The following USHBP1 variants were observed in gnomAD, a reference collection of about 807,000 sequenced individuals.
The protein encoded by USHBP1 is harmonin-binding protein USHBP1.
Under a neutral mutation model 76.2 loss-of-function variants are expected in USHBP1, and 67 were observed. That is an observed-to-expected ratio of 0.88 (90% CI 0.72 to 1.08). The LOEUF (loss-of-function observed/expected upper bound fraction) is 1.08. Among genes scored for constraint, USHBP1 ranks in the 50% least tolerant of loss-of-function variants. The pLI is 0.00. For synonymous variants in USHBP1, 322 were observed against 362.2 expected, an observed-to-expected ratio of 0.89 and a Z score of 1.26; for missense variants, 931 against 915.0, an observed-to-expected ratio of 1.02 and a Z score of -0.23.
At chr19:17,261,219 C>T (rs60266598) in intron 4 of USHBP1, among the ~76,000 whole-genome samples, 1,780 of 152,264 alleles carry the variant, frequency 0.012, 30 homozygotes, top group African/African-American at 0.041. Context: ...CCTGTTGCCC[C>T]CTGTGTTCCA....
intron 5 of USHBP1, 70 bp from the exon 6 acceptor site, chr19:17,259,802 C>A (rs1458349291): frequency 5.7e-6 from 9 of 1,581,738 alleles, no homozygotes; most frequent in Admixed American, 1.8e-5. Flanking sequence ...CATTTTGCAA[C>A]CCCAAAGCTG....
At position 17,258,195 on chromosome 19, in the gene USHBP1, G is replaced by C; in HGVS notation, c.1220+17C>G. On this transcript the variant is annotated intron_variant, in intron 8 of 12. Transcript: ENST00000252597. Reference sequence around the variant, plus strand: ...CACTCCTCAACCAGGCCAGTTCCCAGGGTTCCAGGGGGGTACCTTGGCTGT... The same window carrying C: ...CACTCCTCAACCAGGCCAGTTCCCACGGTTCCAGGGGGGTACCTTGGCTGT... 1 of 1,612,822 alleles carries C rather than the reference G, an allele frequency of 6.2e-7. No individual in the cohort carries two copies. The highest frequency in any genetic ancestry group is 8.5e-7 in the Non-Finnish European group (1 of 1,179,984).
chr19:17,260,673 G>A (rs186953831), intron 4 of USHBP1, among the ~76,000 whole-genome samples: 1 of 152,254 alleles, frequency 6.6e-6, no homozygotes, highest in African/African-American at 2.4e-5. Flanking sequence ...GGATGCTCAA[G>A]TTTCTCCCTT....
At chr19:17,256,872 C>G (rs1029268981) in intron 8 of USHBP1, 152 bp from the exon 9 acceptor site, 20 of 1,117,256 alleles carry the variant, frequency 1.8e-5, no homozygotes, top group African/African-American at 3.1e-5. Flanking sequence ...CCAACATACC[C>G]CACTAGGCAC....
chr19:17,251,169 G>GTTT (rs58204933), intron 12 of USHBP1, among the ~76,000 whole-genome samples: 2 of 26,474 alleles, frequency 7.6e-5, no homozygotes, highest in African/African-American at 9.4e-5. Flanking sequence ...CCAGCCTGTT[G>GTTT]TTTTTTTTTT....
chr19:17,257,967 C>A (rs1056499186), intron 8 of USHBP1, among the ~76,000 whole-genome samples: 37 of 152,286 alleles, frequency 2.4e-4, no homozygotes, highest in Non-Finnish European at 5.0e-4. Context: ...CAGTTTTAAC[C>A]AGTAGGCATT....
chr19:17,261,302 C>T lies in USHBP1; in HGVS notation c.642+1250G>A, dbSNP rs113183756. On this transcript the variant is annotated intron_variant, in intron 4 of 12. Transcript: ENST00000252597. Reference sequence around the variant, plus strand: ...CACTCCAGGGCCTACTCCCACCACCCTCAGTTTTCTTTCTTTTTCTTTCTT... The same window carrying T: ...CACTCCAGGGCCTACTCCCACCACCTTCAGTTTTCTTTCTTTTTCTTTCTT... Among the ~76,000 whole-genome samples the T allele has an allele frequency of 6.4e-3, 969 of 151,062 alleles. 13 individuals carry two copies. The highest frequency in any genetic ancestry group is 0.023 in the African/African-American group (928 of 41,074).
At chr19:17,260,909 G>A (rs570424478) in intron 4 of USHBP1, among the ~76,000 whole-genome samples, 91 of 152,174 alleles carry the variant, frequency 6.0e-4, no homozygotes, top group Admixed American at 1.2e-3. Context: ...ACGCTCACAC[G>A]TCAGTTCCAT....
At position 17,264,335 on chromosome 19, in the gene USHBP1, C is replaced by T; in HGVS notation, c.-36G>A. 6.3e-7 allele frequency: 1 copy of T among 1,581,982 alleles called. No individual in the cohort carries two copies. Among genetic ancestry groups the T allele is most frequent in the Non-Finnish European group, 8.6e-7 (1 of 1,165,188 alleles). ...AAGCCAGTGCCCTCTGAATGCTTCT[C>T]CTTCGTCAACCCCTAAAACCACAGC... is the stretch of plus-strand genomic sequence containing the variant. On this transcript the variant is annotated 5_prime_UTR_variant, in exon 2 of 13. Transcript: ENST00000252597.
chr19:17,251,733 A>C (rs781056349), intron 11 of USHBP1, 29 bp from the exon 12 acceptor site: 2 of 1,609,692 alleles, frequency 1.2e-6, no homozygotes, highest in Admixed American at 3.3e-5. Flanking sequence ...GAGGGGGCTC[A>C]CAGCCCCAGC....
At chr19:17,260,122 T>G in intron 4 of USHBP1, 100 bp from the exon 5 acceptor site, 1 of 1,441,174 alleles carries the variant, frequency 6.9e-7, no homozygotes, top group South Asian at 1.5e-5. Flanking sequence ...GAACCCTAGC[T>G]GGAAGGCAAG....
In USHBP1 at chr19:17,250,353, C is replaced by A. The variant is rs756401290; in HGVS notation, c.1984G>T (p.Glu662Ter). The A allele has an allele frequency of 6.8e-6, 11 of 1,613,838 alleles. No homozygotes were observed. The highest frequency in any genetic ancestry group is 9.3e-6 in the Non-Finnish European group (11 of 1,179,958). ...RKQEEQRRKL[E>*]QQMALMEAQQ... ...GCCTCCATGAGTGCCATCTGCTGCT[C>A]CAACTTCCGGCGTTGCTCTTCCTGC... The change falls in exon 13 of 13, where the codon GAG (glutamate) becomes TAG (stop). Residue 662 changes from glutamate (E) to a stop codon, truncating the protein, a stop_gained. Transcript: ENST00000252597. LOFTEE classifies it low-confidence loss of function (END_TRUNC).
intron 7 of USHBP1, 86 bp downstream of exon 7, chr19:17,259,203 T>A: frequency 6.6e-7 from 1 of 1,505,306 alleles, no homozygotes; most frequent in Non-Finnish European, 8.9e-7. Context: ...GAAGGTGCTC[T>A]CCAGTGAGGG....
chr19:17,262,821 T>A lies in USHBP1; in HGVS notation c.373A>T (p.Thr125Ser). Residue 125 changes from threonine (T) to serine (S), a missense_variant, in exon 4 of 13, where the codon ACT becomes TCT. Coordinates refer to ENST00000252597, the MANE Select transcript of USHBP1 (RefSeq NM_031941.4). ...GCCGCTGCCTCCAGGGAGCTCAGAG[T>A]GTGCTGGAGGGTCTGAAACACATCG... Reference protein sequence around the residue: ...APDVFQTLQHTLSSLEAAAAA... With the variant: ...APDVFQTLQHSLSSLEAAAAA... 2 of 1,614,048 alleles carry A rather than the reference T, an allele frequency of 1.2e-6. No homozygotes were observed. Among genetic ancestry groups the A allele is most frequent in the Non-Finnish European group, 1.7e-6 (2 of 1,179,996 alleles).
chr19:17,259,038 ACCTGTAAT>A (rs1368862007), intron 7 of USHBP1, among the ~76,000 whole-genome samples: 6 of 151,896 alleles, frequency 4.0e-5, no homozygotes, highest in Non-Finnish European at 8.8e-5. Flanking sequence ...GGTGGCATAC[ACCTGTAAT>A]CCCAGCTACT....
intron 8 of USHBP1, 145 bp downstream of exon 8, chr19:17,258,067 G>A: frequency 8.9e-7 from 1 of 1,125,460 alleles, no homozygotes; most frequent in Admixed American, 2.2e-5. Flanking sequence ...TGAGCCTCAT[G>A]TCAACCAACT....
rs770003245 is a variant in USHBP1 at position 17,262,853 on chromosome 19, C to A, written c.341G>T (p.Gly114Val). 10 of 1,613,124 alleles carry A rather than the reference C, an allele frequency of 6.2e-6. No individual in the cohort carries two copies. The highest frequency in any genetic ancestry group is 1.3e-5 in the African/African-American group (1 of 74,896). Residue 114 changes from glycine (G) to valine (V), a missense_variant, in exon 4 of 13, where the codon GGG becomes GTG. Physicochemically the swap from Gly to Val is moderately radical, Grantham distance 109. Transcript: ENST00000252597. ...QYKETVPPGN[G>V]APDVFQTLQH... ...GAGGGTCTGAAACACATCGGGGGCC[C>A]CATTCCCAGGGGGCACAGTCTCCTT...
rs1160742141 is a variant in USHBP1, at chr19:17,249,786, C to G, written c.*439G>C. Reference sequence around the variant, plus strand: ...CAGATGTGCACCACTGAGCCCGGCCCCCTTCAGGAAAATCTGCCAGCCAAA... The same window carrying G: ...CAGATGTGCACCACTGAGCCCGGCCGCCTTCAGGAAAATCTGCCAGCCAAA... On this transcript the variant is annotated 3_prime_UTR_variant, in exon 13 of 13. Coordinates refer to ENST00000252597, the MANE Select transcript of USHBP1 (RefSeq NM_031941.4). 5.4e-6 allele frequency: 1 copy of G among 185,050 alleles called. No individual in the cohort carries two copies. The highest frequency in any genetic ancestry group is 2.4e-5 in the African/African-American group (1 of 41,668). The allele number at this position is 185,050 out of a possible 1,614,324, so 11.5% of individuals were successfully genotyped here.
At chr19:17,259,556 G>T (rs762567201) in intron 6 of USHBP1, 40 bp downstream of exon 6, 30 of 1,601,606 alleles carry the variant, frequency 1.9e-5, no homozygotes, top group Non-Finnish European at 2.3e-5. Flanking sequence ...GTTGGAGGAG[G>T]TGCCTGTGCC....
Sources: allele counts gnomAD v4.1 joint callset (sites outside exome capture counted in the v4.1 genomes callset), GRCh38; gene constraint gnomAD v4.1.1; transcripts MANE v1.5; gene names NCBI Gene and HGNC (gene_info 2026-07-23, HGNC 2026-07-21).